Variants in COL12A1 observed in about 807,000 individuals in gnomAD.
COL12A1 encodes the protein collagen alpha-1(XII) chain.
COL12A1 carries 114 observed loss-of-function variants against 349.7 expected under a neutral mutation model. The ratio of observed to expected loss-of-function variants is 0.33; its 90% CI spans 0.28 to 0.38. The LOEUF (loss-of-function observed/expected upper bound fraction) is 0.38. Among genes scored for constraint, COL12A1 ranks in the 10% least tolerant of loss-of-function variants. COL12A1 has a pLI of 1.00. For synonymous variants in COL12A1, 1,369 were observed against 1,329.0 expected (o/e 1.03, Z -0.66); for missense variants, 3,284 against 3,756.9 (o/e 0.87, Z 3.29).
intron 8 of COL12A1, among the ~76,000 whole-genome samples, chr6:75,186,924 A>G (rs997073772): frequency 1.2e-4 from 19 of 152,136 alleles, no homozygotes; most frequent in African/African-American, 4.6e-4. Flanking sequence ...TGATGAGAAC[A>G]TATGGAGACA....
intron 52 of COL12A1, among the ~76,000 whole-genome samples, 181 bp from the exon 53 acceptor site, chr6:75,106,677 G>C (rs565485489): frequency 6.6e-6 from 1 of 152,114 alleles, no homozygotes; most frequent in South Asian, 2.1e-4. Flanking sequence ...ACGAGAAAGA[G>C]ATAGAAAAGT....
At position 75,184,066 on chromosome 6, in the gene COL12A1, C is replaced by G; in HGVS notation, c.1076G>C (p.Ser359Thr). 3 of 1,614,154 alleles carry G rather than the reference C, an allele frequency of 1.9e-6. No homozygotes were observed. The highest frequency in any genetic ancestry group is 1.7e-6 in the Non-Finnish European group (2 of 1,180,016). The change falls in exon 9 of 66, where the codon AGT becomes ACT. Residue 359 changes from serine (S) to threonine (T), a missense_variant. Physicochemically the swap from Ser to Thr is moderately conservative, Grantham distance 58 (BLOSUM62 1). Around this residue, in one of 2 missense-constraint regions of COL12A1, gnomAD observed 2,601 missense variants for 2,824.8 expected, o/e 0.92. Transcript: ENST00000322507. Reference sequence around the variant, plus strand: ...GATGACTTTGTAGCCAGTCACTGGACTAGGAGATGGATTCCAATTTAGCTT... The same window carrying G: ...GATGACTTTGTAGCCAGTCACTGGAGTAGGAGATGGATTCCAATTTAGCTT... ...YVKLNWNPSP[S>T]PVTGYKVILT...
chr6:75,139,589 G>A (rs925300568), intron 27 of COL12A1, among the ~76,000 whole-genome samples: 3 of 152,184 alleles, frequency 2.0e-5, no homozygotes, highest in Non-Finnish European at 4.4e-5. Flanking sequence ...TCTGACAATT[G>A]ATTAGAACAT....
intron 24 of COL12A1, 127 bp downstream of exon 24, chr6:75,145,975 A>G (rs1767167418): frequency 1.9e-6 from 2 of 1,077,072 alleles, no homozygotes; most frequent in East Asian, 5.2e-5. Context: ...CCACAAACCT[A>G]CTTTTCTATT....
At chr6:75,199,927 A>G (rs1770437197) in intron 2 of COL12A1, among the ~76,000 whole-genome samples, 1 of 152,236 alleles carries the variant, frequency 6.6e-6, no homozygotes, top group African/African-American at 2.4e-5. Context: ...TGTTTTCAAA[A>G]AGGTATTGGG....
chr6:75,123,967 G>A lies in COL12A1; in HGVS notation c.6852C>T (p.Val2284=). ...VQTPNLEGPG[V]SVKEHTTVKP... ...ACTTACTGGTATGTTCTTTAACAGA[G>A]ACTCCTGGTCCCTCGAGATTTGGTG... The change falls in exon 42 of 66, where the codon GTC becomes GTT. Residue 2284 remains valine (V), a synonymous_variant. Transcript: ENST00000322507. 2 of 1,611,208 alleles carry A rather than the reference G, an allele frequency of 1.2e-6. No homozygotes were observed. Among genetic ancestry groups the A allele is most frequent in the Non-Finnish European group, 1.7e-6 (2 of 1,178,034 alleles).
At chr6:75,180,581 T>TA (rs1366479758) in intron 11 of COL12A1, among the ~76,000 whole-genome samples, 1 of 151,880 alleles carries the variant, frequency 6.6e-6, no homozygotes, top group African/African-American at 2.4e-5. Context: ...CATATATATA[T>TA]TTGCCGTAAC....
chr6:75,093,006 T>C (rs1365290880), intron 60 of COL12A1, among the ~76,000 whole-genome samples: 3 of 152,194 alleles, frequency 2.0e-5, no homozygotes, highest in Non-Finnish European at 4.4e-5. Context: ...CCTCTTTCCA[T>C]AGATCAAATA....
chr6:75,085,323 T>TCGCGCTCAGGCAGGTAGGCCC lies in COL12A1; in HGVS notation c.*1203_*1223dup, dbSNP rs1359102778. On this transcript the variant is annotated 3_prime_UTR_variant, in exon 66 of 66. Coordinates refer to ENST00000322507, the MANE Select transcript of COL12A1 (RefSeq NM_004370.6). ...GGGCTCCACCGGCACGATGAAGGGCTCGCGCTCAGGCAGGTAGGCCCCGCC... is the reference window on the plus strand; with the variant it reads ...GGGCTCCACCGGCACGATGAAGGGCTCGCGCTCAGGCAGGTAGGCCCCGCGCTCAGGCAGGTAGGCCCCGCC... 1 of 471,010 alleles carries TCGCGCTCAGGCAGGTAGGCCC rather than the reference T, an allele frequency of 2.1e-6. No individual in the cohort carries two copies. The highest frequency in any genetic ancestry group is 2.3e-5 in the Admixed American group (1 of 42,582). The allele number at this position is 471,010 out of a possible 1,614,324, so 29.2% of individuals were successfully genotyped here.
In COL12A1 at chr6:75,168,915, T is replaced by A. The variant is rs1267725834; in HGVS notation, c.2711-3136A>T. 2.0e-5 allele frequency among the ~76,000 whole-genome samples: 3 copies of A among 152,184 alleles called. No homozygotes were observed. The East Asian group carries it at 5.8e-4, about 29-fold the overall frequency. On this transcript the variant is annotated intron_variant, in intron 13 of 65. Coordinates refer to ENST00000322507, the MANE Select transcript of COL12A1 (RefSeq NM_004370.6). ...TGTAGGACTGCTGGGTGGCTTGTAT[T>A]TTGTGTGGTTATATTGCCATGTACA...
chr6:75,120,518 T>G (rs1489830245), intron 44 of COL12A1, among the ~76,000 whole-genome samples: 1 of 152,120 alleles, frequency 6.6e-6, no homozygotes, highest in African/African-American at 2.4e-5. Context: ...AGTCAATGAT[T>G]TAGATAGAAG....
rs1766684766 is a variant in COL12A1 at position 75,137,551 on chromosome 6, T to C, written c.5280A>G (p.Gln1760=). 1.2e-6 allele frequency: 2 copies of C among 1,613,744 alleles called. No homozygotes were observed. The highest frequency in any genetic ancestry group is 2.7e-5 in the African/African-American group (2 of 74,902). Residue 1760 remains glutamine (Q), a synonymous_variant, in exon 31 of 66, where the codon CAA becomes CAG. Coordinates refer to ENST00000322507, the MANE Select transcript of COL12A1 (RefSeq NM_004370.6). ...GGCTGTTAGATGTTGCATTGTACAC[T>C]TGAAGGTTTCGTGGGCCACTTTTGG... is the stretch of plus-strand genomic sequence containing the variant. ...QAPKSGPRNL[Q]VYNATSNSLT... is the part of the protein sequence containing the mutation.
chr6:75,194,820 T>A lies in COL12A1; in HGVS notation c.190+11A>T, dbSNP rs1364667700. The A allele has an allele frequency of 6.4e-7, 1 of 1,568,818 alleles. No individual in the cohort carries two copies. The highest frequency in any genetic ancestry group is 1.2e-5 in the South Asian group (1 of 85,776). On this transcript the variant is annotated intron_variant, in intron 3 of 65. Transcript: ENST00000322507. ...ATGCTTCTGTCCTAAAACCCCAGTCTCAAAACTTACCCGTTGTAGGGTCCA... is the reference window on the plus strand; with the variant it reads ...ATGCTTCTGTCCTAAAACCCCAGTCACAAAACTTACCCGTTGTAGGGTCCA...
In COL12A1 at chr6:75,085,002, T is replaced by C; in HGVS notation, c.*1545A>G. On this transcript the variant is annotated 3_prime_UTR_variant, in exon 66 of 66. Transcript: ENST00000322507. ...CATTTCAAGGGCAAAGGCAAAAATGTCTACAGACTGCGTGCTTGGAGCTAG... is the reference window on the plus strand; with the variant it reads ...CATTTCAAGGGCAAAGGCAAAAATGCCTACAGACTGCGTGCTTGGAGCTAG... 3.2e-6 allele frequency: 1 copy of C among 312,998 alleles called. No individual in the cohort carries two copies. The highest frequency in any genetic ancestry group is 6.5e-6 in the Non-Finnish European group (1 of 154,236). 19.4% of individuals were successfully genotyped at this position (312,998 alleles called of 1,614,324 possible).
At chr6:75,173,145 C>T (rs998812992) in intron 13 of COL12A1, among the ~76,000 whole-genome samples, 1 of 152,108 alleles carries the variant, frequency 6.6e-6, no homozygotes, top group African/African-American at 2.4e-5. Flanking sequence ...CCCATTTGAT[C>T]TCAACAATAA....
chr6:75,122,790 T>C (rs1582085318), intron 43 of COL12A1, among the ~76,000 whole-genome samples: 1 of 152,250 alleles, frequency 6.6e-6, no homozygotes, highest in East Asian at 1.9e-4. Context: ...GACAAAGTGC[T>C]AGAGAATTGC....
chr6:75,165,484 A>T (rs370949482), intron 14 of COL12A1, 23 bp downstream of exon 14: 10 of 1,608,636 alleles, frequency 6.2e-6, no homozygotes, highest in Non-Finnish European at 8.5e-6. Context: ...CACACACCCA[A>T]ACACACCCAT....
In COL12A1 at chr6:75,126,364, T is replaced by C. The variant is rs767870016; in HGVS notation, c.6447A>G (p.Val2149=). ...SPSPVLGYKI[V]YKPVGSNEPM... ...GCACTTCCTTACCCACTGGCTTATA[T>C]ACTATTTTATATCCAAGAACTGGAG... is the stretch of plus-strand genomic sequence containing the variant. The change falls in exon 39 of 66, where the codon GTA becomes GTG. Residue 2149 remains valine (V), a synonymous_variant. Transcript: ENST00000322507. 8 of 1,610,074 alleles carry C rather than the reference T, an allele frequency of 5.0e-6. No homozygotes were observed. The highest frequency in any genetic ancestry group is 2.7e-5 in the African/African-American group (2 of 74,774).
intron 2 of COL12A1, among the ~76,000 whole-genome samples, chr6:75,197,290 T>C (rs1032367306): frequency 3.4e-5 from 5 of 148,862 alleles, no homozygotes; most frequent in Admixed American, 2.8e-4. Flanking sequence ...ACAATGCTGA[T>C]GCTGGAAATT....
Sources: gnomAD v4.1 joint callset for allele counts (sites outside exome capture counted in the v4.1 genomes callset) on GRCh38, gnomAD v4.1.1 for gene constraint, gnomAD v4.1.1 regional missense constraint, MANE v1.5 for transcripts, NCBI Gene and HGNC (gene_info 2026-07-23, HGNC 2026-07-21) for gene names.